The following CTCFL variants were observed in gnomAD, a reference collection of about 807,000 sequenced individuals.
CTCFL encodes transcriptional repressor CTCFL.
Under a neutral mutation model 67.4 loss-of-function variants are expected in CTCFL, and 36 were observed. The observed-to-expected ratio is 0.53, with a 90% CI of 0.41 to 0.71. CTCFL has a LOEUF of 0.71. Ranked by LOEUF, CTCFL falls within the 30% of genes least tolerant of loss-of-function variation. The pLI is 0.00. For missense variants in CTCFL, 786 were observed against 835.2 expected (o/e 0.94, Z 0.73); for synonymous variants, 324 against 302.3 (o/e 1.07, Z -0.75).
chr20:57,503,350 C>G, intron 10 of CTCFL, 86 bp downstream of exon 10: 1 of 1,500,922 alleles, frequency 6.7e-7, no homozygotes, highest in Non-Finnish European at 9.2e-7. Flanking sequence ...TGGACACATC[C>G]CCTGGACAGT....
Position 57,498,208 on chromosome 20 carries a change from A to C in CTCFL, c.*342T>G, listed in dbSNP as rs1167567915. ...TCACTCATTGTGGGCCACCTTGCCA[A>C]TATCAAGTGAATGAATCCATAGGTT... On this transcript the variant is annotated 3_prime_UTR_variant, in exon 11 of 11. Coordinates refer to ENST00000243914, the MANE Select transcript of CTCFL (RefSeq NM_001386993.1). 2.0e-5 allele frequency: 20 copies of C among 1,005,038 alleles called. No individual in the cohort carries two copies. The highest frequency in any genetic ancestry group is 5.8e-5 in the Admixed American group (1 of 17,244). The allele number at this position is 1,005,038 out of a possible 1,614,324, so 62.3% of individuals were successfully genotyped here.
intron 9 of CTCFL, 146 bp from the exon 10 acceptor site, chr20:57,503,747 GAAGTA>G: frequency 1.3e-6 from 1 of 777,454 alleles, no homozygotes; most frequent in East Asian, 2.6e-5. Context: ...CTAGCCCTAA[GAAGTA>G]AATAAGCAAC....
rs985375181 is a variant in CTCFL, at chr20:57,497,385, T to C, written c.*1165A>G. On this transcript the variant is annotated 3_prime_UTR_variant, in exon 11 of 11. Coordinates refer to ENST00000243914, the MANE Select transcript of CTCFL (RefSeq NM_001386993.1). ...ATTATTTCCACATATTCACATTGTA[T>C]AGGGATTCTGAACTTGTGATATTTT... 7 of 983,912 alleles carry C rather than the reference T, an allele frequency of 7.1e-6. No individual in the cohort carries two copies. Among genetic ancestry groups the C allele is most frequent in the African/African-American group, 1.7e-5 (1 of 57,204 alleles). The allele number at this position is 983,912 out of a possible 1,614,324, so 60.9% of individuals were successfully genotyped here.
At chr20:57,513,850 T>C in intron 7 of CTCFL, 1 of 1,289,038 alleles carries the variant, frequency 7.8e-7, no homozygotes, top group Non-Finnish European at 1.0e-6. Flanking sequence ...AATAAGATCA[T>C]GGAAAAGGGA....
intron 8 of CTCFL, among the ~76,000 whole-genome samples, chr20:57,510,726 G>C (rs2068495410): frequency 6.6e-6 from 1 of 152,202 alleles, no homozygotes; most frequent in South Asian, 2.1e-4. Flanking sequence ...AGCCAGGCGT[G>C]GTGGGGGCCG....
chr20:57,510,577 T>C (rs73176800), intron 8 of CTCFL, among the ~76,000 whole-genome samples: 4,271 of 152,276 alleles, frequency 0.028, 103 homozygotes, highest in Non-Finnish European at 0.047. Flanking sequence ...ATTAAAAGCA[T>C]TCGGGGCCAG....
intron 7 of CTCFL, chr20:57,513,773 A>G (rs2068714369): frequency 4.8e-6 from 6 of 1,253,368 alleles, no homozygotes; most frequent in Non-Finnish European, 6.2e-6. Context: ...TTTGGGCAAA[A>G]GGGTCAAATT....
Position 57,519,260 on chromosome 20 carries a change from A to G in CTCFL, c.872T>C (p.Leu291Pro), listed in dbSNP as rs200424307. 438 of 1,614,158 alleles carry G rather than the reference A, an allele frequency of 2.7e-4. 4 individuals are homozygous for G. In the South Asian group the frequency reaches 4.4e-3, roughly 16 times the overall value. ...CAGAGTGACCGTACGGAAGGTTTTC[A>G]GGCAGAGGTGACACAGGTGAGGCTT... ...SEKPHLCHLC[L>P]KTFRTVTLLR... Residue 291 changes from leucine (L) to proline (P), a missense_variant, in exon 4 of 11, where the codon CTG (leucine) becomes CCG (proline). Coordinates refer to ENST00000243914, the MANE Select transcript of CTCFL (RefSeq NM_001386993.1).
downstream of CTCFL, chr20:57,496,225 G>A (rs1459753178): frequency 4.7e-5 from 29 of 620,770 alleles, no homozygotes; most frequent in Non-Finnish European, 7.4e-5. Context: ...GGAGTGTGGC[G>A]CCTCCCCCTC....
rs1332041205 is a variant in CTCFL, at chr20:57,497,198, T to G, written c.*1352A>C. The G allele has an allele frequency of 1.1e-6, 1 of 914,158 alleles. No homozygotes were observed. Among genetic ancestry groups the G allele is most frequent in the African/African-American group, 1.8e-5 (1 of 55,682 alleles). The allele number at this position is 914,158 out of a possible 1,614,324, so 56.6% of individuals were successfully genotyped here. A position where few individuals can be genotyped will look rare whatever the true frequency, so the allele number is the denominator to read the frequency against. On this transcript the variant is annotated 3_prime_UTR_variant, in exon 11 of 11. Coordinates refer to ENST00000243914, the MANE Select transcript of CTCFL (RefSeq NM_001386993.1). ...TTTAAGTCATTTCATTTTATTGAAT[T>G]ATGTAAAACATCTTTAAATAACAGT...
chr20:57,507,644 T>C (rs1195204993), intron 9 of CTCFL: 1 of 702,896 alleles, frequency 1.4e-6, no homozygotes, highest in African/African-American at 1.7e-5. Context: ...AGCAGTTGTG[T>C]GGCGGAGCTG....
intron 9 of CTCFL, among the ~76,000 whole-genome samples, chr20:57,504,005 T>C (rs1483665040): frequency 2.0e-5 from 3 of 151,958 alleles, no homozygotes; most frequent in African/African-American, 7.2e-5. Flanking sequence ...CTCAGGATGT[T>C]TGGGGCACTC....
rs772311531 is a variant in CTCFL at position 57,523,071 on chromosome 20, T to C, written c.751A>G (p.Lys251Glu). 1.9e-5 allele frequency: 31 copies of C among 1,612,820 alleles called. No individual in the cohort carries two copies. The highest frequency in any genetic ancestry group is 2.4e-5 in the Non-Finnish European group (28 of 1,179,294). ...TCTATGAGATGAACTGGCCTACCCT[T>C]TGTCTTTCTTTGATTTTTTGTAGAT... The part of the protein sequence containing the change: ...AKSTKNQRKT[K>E]GAKGTFHCDV... Residue 251 changes from lysine (K) to glutamate (E), a missense_variant, in exon 3 of 11, where the codon AAG becomes GAG. Around this residue, in one of 3 missense-constraint regions of CTCFL, gnomAD observed 333 missense variants for 304.6 expected, o/e 1.09. Coordinates refer to ENST00000243914, the MANE Select transcript of CTCFL (RefSeq NM_001386993.1).
intron 1 of CTCFL, chr20:57,524,421 C>G: frequency 7.1e-7 from 1 of 1,407,448 alleles, no homozygotes; most frequent in Middle Eastern, 2.7e-4. Flanking sequence ...TAGGCTAAAG[C>G]AGGATTTTGT....
In CTCFL at chr20:57,503,463, C is replaced by T. The variant is rs1396058153; in HGVS notation, c.1813G>A (p.Gly605Arg). The change falls in exon 10 of 11, where the codon GGA becomes AGA. Residue 605 changes from glycine to arginine, a missense_variant. Coordinates refer to ENST00000243914, the MANE Select transcript of CTCFL (RefSeq NM_001386993.1). ...ATKGQKEAAK[G>R]WKEAANGDEA... ...TCTCCGTTCGCGGCTTCCTTCCATC[C>T]CTTCGCAGCTTCCTTCTGACCCTTT... 2.5e-6 allele frequency: 4 copies of T among 1,614,176 alleles called. No homozygotes were observed. Among genetic ancestry groups the T allele is most frequent in the Non-Finnish European group, 3.4e-6 (4 of 1,180,024 alleles).
intron 9 of CTCFL, chr20:57,506,953 AC>A: frequency 1.0e-6 from 1 of 984,782 alleles, no homozygotes; most frequent in Middle Eastern, 5.2e-4. Context: ...AAACACAACT[AC>A]ACTACTGTTT....
intron 7 of CTCFL, chr20:57,513,933 C>T (rs2068726729): frequency 7.8e-7 from 1 of 1,275,770 alleles, no homozygotes; most frequent in African/African-American, 1.5e-5. Context: ...CATTGCTCAA[C>T]ACTGGCTGGC....
chr20:57,518,366 A>G, intron 5 of CTCFL: 1 of 449,310 alleles, frequency 2.2e-6, no homozygotes, highest in Non-Finnish European at 3.7e-6. Context: ...GCTGCTTTGT[A>G]TCTAATCAAG....
intron 10 of CTCFL, among the ~76,000 whole-genome samples, chr20:57,501,848 A>G (rs938639500): frequency 2.6e-5 from 4 of 152,130 alleles, no homozygotes; most frequent in Non-Finnish European, 5.9e-5. Context: ...TCAGTGGAAA[A>G]GTTATTGGTG....
Sources: allele counts gnomAD v4.1 joint callset (sites outside exome capture counted in the v4.1 genomes callset), GRCh38; gene constraint gnomAD v4.1.1; regional missense constraint gnomAD v4.1.1; transcripts MANE v1.5; gene names NCBI Gene and HGNC (gene_info 2026-07-23, HGNC 2026-07-21).